Variants in RPH3A observed in about 807,000 individuals in gnomAD.
The protein encoded by RPH3A is rabphilin-3A.
RPH3A carries 48 observed loss-of-function variants against 102.2 expected under a neutral mutation model. The ratio of observed to expected loss-of-function variants is 0.47; its 90% CI spans 0.37 to 0.60. The LOEUF (loss-of-function observed/expected upper bound fraction) is 0.60, where lower values mean the gene tolerates loss of function less well. Among genes scored for constraint, RPH3A ranks in the 20% least tolerant of loss-of-function variants. The pLI is 0.00. For missense variants in RPH3A, 781 were observed against 910.1 expected (o/e 0.86, Z 1.83); for synonymous variants, 310 against 324.3 (o/e 0.96, Z 0.47).
chr12:112,614,870 G>C (rs999129756), intron 1 of RPH3A, among the ~76,000 whole-genome samples: 1 of 152,020 alleles, frequency 6.6e-6, no homozygotes, highest in African/African-American at 2.4e-5. Context: ...CTGCAGTCTT[G>C]AACTCTTGGG....
intron 1 of RPH3A, among the ~76,000 whole-genome samples, chr12:112,723,869 A>G (rs1422353178): frequency 1.3e-5 from 2 of 152,164 alleles, no homozygotes; most frequent in Non-Finnish European, 2.9e-5. Context: ...ATATTTACAT[A>G]TCTCTCAACT....
intron 1 of RPH3A, among the ~76,000 whole-genome samples, chr12:112,589,204 T>C (rs1317086249): frequency 1.3e-5 from 2 of 151,982 alleles, no homozygotes; most frequent in African/African-American, 4.8e-5. Flanking sequence ...CACCCAAAAC[T>C]CCTGCCCAGG....
chr12:112,865,688 TGCTTCC>T, intron 6 of RPH3A, 145 bp downstream of exon 6: 1 of 820,080 alleles, frequency 1.2e-6, no homozygotes, highest in South Asian at 1.8e-5. Context: ...TTTTCTGGGA[TGCTTCC>T]ATGCCCTACT....
chr12:112,838,102 A>T (rs116527393), intron 4 of RPH3A, among the ~76,000 whole-genome samples: 7,589 of 152,282 alleles, frequency 0.05, 655 homozygotes, highest in African/African-American at 0.17. Flanking sequence ...ATCAGAGTGA[A>T]CTGTGGAGCA....
chr12:112,727,302 A>T (rs1028631072), intron 1 of RPH3A, among the ~76,000 whole-genome samples: 1 of 150,914 alleles, frequency 6.6e-6, no homozygotes, highest in African/African-American at 2.4e-5. Flanking sequence ...GAGGCAGGAG[A>T]ATTGCTGGAA....
At chr12:112,697,585 G>A (rs2040361239) in intron 1 of RPH3A, among the ~76,000 whole-genome samples, 1 of 152,098 alleles carries the variant, frequency 6.6e-6, no homozygotes. Flanking sequence ...TCCAAACAGG[G>A]CCAGGCATGG....
intron 1 of RPH3A, among the ~76,000 whole-genome samples, chr12:112,765,027 T>C (rs183184090): frequency 8.4e-4 from 128 of 152,320 alleles, no homozygotes; most frequent in African/African-American, 3.0e-3. Flanking sequence ...AAAGGGACTT[T>C]GTTTTGCTTG....
intron 1 of RPH3A, among the ~76,000 whole-genome samples, chr12:112,739,895 T>C (rs2040696284): frequency 6.6e-6 from 1 of 151,974 alleles, no homozygotes; most frequent in Non-Finnish European, 1.5e-5. Flanking sequence ...CAGCTTCTAC[T>C]GGGTGACACT....
chr12:112,660,477 C>T (rs2136002675), intron 1 of RPH3A, among the ~76,000 whole-genome samples: 1 of 152,250 alleles, frequency 6.6e-6, no homozygotes, highest in African/African-American at 2.4e-5. Context: ...CTGTCTTGCT[C>T]TGTACCACCT....
At chr12:112,835,381 C>G (rs898352608) in intron 3 of RPH3A, among the ~76,000 whole-genome samples, 3 of 152,230 alleles carry the variant, frequency 2.0e-5, no homozygotes, top group Middle Eastern at 6.8e-3. Flanking sequence ...TAAGAAATGT[C>G]AGTTAATTAA....
intron 3 of RPH3A, among the ~76,000 whole-genome samples, chr12:112,830,401 T>C (rs916973500): frequency 1.3e-5 from 2 of 152,332 alleles, no homozygotes; most frequent in Middle Eastern, 6.8e-3. Flanking sequence ...GAATATGACC[T>C]ATATGATACT....
Position 112,681,667 on chromosome 12 carries a change from G to A in RPH3A, c.-140+106348G>A, listed in dbSNP as rs556526873. ...AGTGAATAATGACTTTTTTGAGGGG[G>A]GGCTTAAAGTGAAATATATTAATCA... On this transcript the variant is annotated intron_variant, in intron 1 of 21. Coordinates refer to the RPH3A transcript ENST00000543106. Among the ~76,000 whole-genome samples, 300 of 152,116 alleles carry A rather than the reference G, an allele frequency of 2.0e-3. 1 individual carries two copies. Among genetic ancestry groups the A allele is most frequent in the African/African-American group, 6.6e-3 (273 of 41,484 alleles).
At chr12:112,881,399 A>G (rs1261998269) in intron 14 of RPH3A, among the ~76,000 whole-genome samples, 3 of 152,164 alleles carry the variant, frequency 2.0e-5, no homozygotes, top group Non-Finnish European at 4.4e-5. Flanking sequence ...CCTAGCAATA[A>G]CAATCCAGCC....
At chr12:112,831,129 AGGC>A (rs2136158124) in intron 3 of RPH3A, among the ~76,000 whole-genome samples, 1 of 151,932 alleles carries the variant, frequency 6.6e-6, no homozygotes, top group African/African-American at 2.4e-5. Context: ...ACATAAAAAC[AGGC>A]GGCTGACTGT....
At chr12:112,638,389 A>T (rs553561751) in intron 1 of RPH3A, among the ~76,000 whole-genome samples, 1 of 152,342 alleles carries the variant, frequency 6.6e-6, no homozygotes, top group South Asian at 2.1e-4. Flanking sequence ...CAGGTGTGTT[A>T]CTTACGCATA....
intron 2 of RPH3A, among the ~76,000 whole-genome samples, chr12:112,822,332 A>C (rs2041795675): frequency 6.6e-6 from 1 of 152,264 alleles, no homozygotes; most frequent in Admixed American, 6.5e-5. Flanking sequence ...GGTTCCCTGC[A>C]GTGCCCTGAA....
intron 1 of RPH3A, among the ~76,000 whole-genome samples, chr12:112,599,377 T>A: frequency 6.6e-6 from 1 of 152,232 alleles, no homozygotes; most frequent in East Asian, 1.9e-4. Flanking sequence ...ATCTCATGCC[T>A]ATACAATGCA....
At chr12:112,697,115 A>C (rs1403944161) in intron 1 of RPH3A, among the ~76,000 whole-genome samples, 1 of 152,102 alleles carries the variant, frequency 6.6e-6, no homozygotes, top group East Asian at 1.9e-4. Flanking sequence ...TCTGGTCAGG[A>C]TTTGAGGTCC....
intron 1 of RPH3A, among the ~76,000 whole-genome samples, chr12:112,768,851 G>C (rs934807804): frequency 8.5e-5 from 13 of 152,160 alleles, no homozygotes; most frequent in African/African-American, 2.4e-5. Context: ...ATTTGCGGCT[G>C]CAGTGAGCCA....
Sources: gnomAD v4.1 joint callset for allele counts (sites outside exome capture counted in the v4.1 genomes callset) on GRCh38, gnomAD v4.1.1 for gene constraint, MANE v1.5 for transcripts, NCBI Gene and HGNC (gene_info 2026-07-23, HGNC 2026-07-21) for gene names.